The following DNAH2 variants were observed in gnomAD, a reference collection of about 807,000 sequenced individuals.
DNAH2 encodes the protein dynein axonemal heavy chain 2.
In DNAH2, 323 loss-of-function variants were observed where a neutral mutation model predicts 523.5. The observed-to-expected ratio is 0.62, with a 90% CI of 0.56 to 0.68. DNAH2 has a LOEUF of 0.68. Among genes scored for constraint, DNAH2 ranks in the 30% least tolerant of loss-of-function variants. The pLI is 0.00. For synonymous variants in DNAH2, 2,093 were observed against 2,177.4 expected, an observed-to-expected ratio of 0.96 and a Z score of 1.08; for missense variants, 4,907 against 5,701.5, an observed-to-expected ratio of 0.86 and a Z score of 4.49.
chr17:7,723,676 C>A lies in DNAH2; in HGVS notation c.215C>A (p.Pro72His). The A allele has an allele frequency of 3.7e-6, 6 of 1,613,932 alleles. No homozygotes were observed. Among genetic ancestry groups the A allele is most frequent in the Non-Finnish European group, 4.2e-6 (5 of 1,179,946 alleles). Residue 72 changes from proline (P) to histidine (H), a missense_variant, in exon 3 of 86, where the codon CCC (proline) becomes CAC (histidine). Physicochemically the swap from Pro to His is moderately conservative, Grantham distance 77. Around this residue, in one of 3 missense-constraint regions of DNAH2, gnomAD observed 2,806 missense variants for 3,190.8 expected, o/e 0.88. Transcript: ENST00000572933. ...PQAQSEESVE[P>H]EADVKPLFLS... is the part of the protein sequence containing the mutation. ...GCACAGAGTGAAGAATCAGTGGAGC[C>A]CGAGGCAGATGTGGTAGGCTTGGGT...
chr17:7,724,089 T>C (rs747146739), intron 3 of DNAH2, among the ~76,000 whole-genome samples: 19 of 152,168 alleles, frequency 1.2e-4, no homozygotes, highest in Admixed American at 4.6e-4. Flanking sequence ...CAGAAGCTGC[T>C]TCAGTCACTT....
chr17:7,749,898 G>C (rs2075637114), intron 12 of DNAH2, among the ~76,000 whole-genome samples: 1 of 152,142 alleles, frequency 6.6e-6, no homozygotes, highest in Non-Finnish European at 1.5e-5. Flanking sequence ...AGGAGGCTGA[G>C]GCAGGAGAAT....
Position 7,775,411 on chromosome 17 carries a change from C to T in DNAH2, c.4821+69C>T, listed in dbSNP as rs764795632. 72 of 1,442,748 alleles carry T rather than the reference C, an allele frequency of 5.0e-5. No homozygotes were observed. In the African/African-American group the frequency reaches 6.6e-4, roughly 13 times the overall value. 89.4% of individuals were successfully genotyped at this position (1,442,748 alleles called of 1,614,324 possible). On this transcript the variant is annotated intron_variant, in intron 30 of 85. Transcript: ENST00000572933. ...CTACAGAAAGTTCACCTGGGTCGGG[C>T]GCAGTGGCTCACACTTGTAATCCCA...
Position 7,797,508 on chromosome 17 carries a change from C to T in DNAH2, c.8058C>T (p.Pro2686=), listed in dbSNP as rs1567716468. The T allele has an allele frequency of 1.2e-6, 2 of 1,614,198 alleles. No individual in the cohort carries two copies. The highest frequency in any genetic ancestry group is 1.7e-6 in the Non-Finnish European group (2 of 1,180,044). Residue 2686 remains proline, a synonymous_variant, in exon 52 of 86, where the codon CCC becomes CCT. Coordinates refer to ENST00000572933, the MANE Select transcript of DNAH2 (RefSeq NM_020877.5). ...ACCTCACATTTCATCATCTCTGTCC[C>T]AGCAAGCGTCCTCCTATCTTTGGTG... ...FFDLTFHHLC[P]SKRPPIFGDF...
intron 10 of DNAH2, 47 bp downstream of exon 10, chr17:7,740,596 C>T (rs746744517): frequency 1.9e-6 from 3 of 1,603,582 alleles, no homozygotes; most frequent in South Asian, 2.2e-5. Flanking sequence ...CGCGTGCTTT[C>T]CTGGAGTCCC....
intron 10 of DNAH2, 82 bp downstream of exon 10, chr17:7,740,631 C>T: frequency 6.3e-7 from 1 of 1,576,288 alleles, no homozygotes; most frequent in Non-Finnish European, 8.6e-7. Context: ...CTCCTGCCTC[C>T]ACGTGTGCCC....
chr17:7,804,484 A>AC lies in DNAH2; in HGVS notation c.9183+24dup. 1.9e-6 allele frequency: 3 copies of AC among 1,603,922 alleles called. No homozygotes were observed. Among genetic ancestry groups the AC allele is most frequent in the Non-Finnish European group, 2.6e-6 (3 of 1,175,220 alleles). On this transcript the variant is annotated intron_variant, in intron 59 of 85. Transcript: ENST00000572933. ...AGCAGAAGGTCCAGGGCCCACGCCC[A>AC]CCCCCCGTGCCCCACTCCCACCAGT...
At chr17:7,805,503 C>CTAGG in intron 61 of DNAH2, 110 bp downstream of exon 61, 6 of 1,480,990 alleles carry the variant, frequency 4.1e-6, no homozygotes, top group Non-Finnish European at 5.5e-6. Flanking sequence ...ATTGTTCTTA[C>CTAGG]CCTCAAGAGC....
chr17:7,753,858 G>A (rs4792587), intron 12 of DNAH2, among the ~76,000 whole-genome samples: 8,258 of 152,178 alleles, frequency 0.054, 365 homozygotes, highest in Admixed American at 0.12. Flanking sequence ...TGAGGCAGGA[G>A]AATCACTTAA....
rs771204858 is a variant in DNAH2 at position 7,830,322 on chromosome 17, G to A, written c.11876G>A (p.Arg3959His). The A allele has an allele frequency of 1.8e-5, 29 of 1,614,052 alleles. No individual in the cohort carries two copies. Among genetic ancestry groups the A allele is most frequent in the African/African-American group, 2.7e-5 (2 of 74,938 alleles). The change falls in exon 78 of 86, where the codon CGT (arginine) becomes CAT (histidine). Residue 3959 changes from arginine to histidine, a missense_variant. Coordinates refer to ENST00000572933, the MANE Select transcript of DNAH2 (RefSeq NM_020877.5). Reference protein sequence around the residue: ...PPKGLKANMTRLYQLMSEPQF... With the variant: ...PPKGLKANMTHLYQLMSEPQF... Reference sequence around the variant, plus strand: ...CAGGGCCTAAAGGCCAACATGACACGTCTTTACCAACTGATGTCAGAACCA... The same window carrying A: ...CAGGGCCTAAAGGCCAACATGACACATCTTTACCAACTGATGTCAGAACCA...
At chr17:7,793,511 CTT>C (rs766844191) in intron 48 of DNAH2, among the ~76,000 whole-genome samples, 2,685 of 127,508 alleles carry the variant, frequency 0.021, 69 homozygotes, top group Non-Finnish European at 0.033. Flanking sequence ...TTCTTTCTTT[CTT>C]TCTTCTCTTT....
At position 7,760,990 on chromosome 17, in the gene DNAH2, A is replaced by G; in HGVS notation, c.2978+58A>G. On this transcript the variant is annotated intron_variant, in intron 18 of 85. Transcript: ENST00000572933. This position sits in a 1 kb window ranked among gnomAD's most constrained non-coding sequence, Gnocchi z 4.0. ...GTAGGAGGCACAGCACTGCAGGAGGAGCCCAGGCCTAGAGTCTTGGGAAGT... is the reference window on the plus strand; with the variant it reads ...GTAGGAGGCACAGCACTGCAGGAGGGGCCCAGGCCTAGAGTCTTGGGAAGT... 1 of 1,592,942 alleles carries G rather than the reference A, an allele frequency of 6.3e-7. No homozygotes were observed. Among genetic ancestry groups the G allele is most frequent in the African/African-American group, 1.3e-5 (1 of 74,572 alleles).
chr17:7,735,919 G>C (rs2075129247), intron 7 of DNAH2, among the ~76,000 whole-genome samples: 1 of 151,650 alleles, frequency 6.6e-6, no homozygotes, highest in Non-Finnish European at 1.5e-5. Flanking sequence ...TGCCTGGCTA[G>C]TTTTTGTATT....
chr17:7,765,443 C>G lies in DNAH2; in HGVS notation c.3389C>G (p.Thr1130Ser). 1 of 1,614,246 alleles carries G rather than the reference C, an allele frequency of 6.2e-7. No homozygotes were observed. The highest frequency in any genetic ancestry group is 8.5e-7 in the Non-Finnish European group (1 of 1,180,042). Residue 1130 changes from threonine to serine, a missense_variant, in exon 21 of 86, where the codon ACT (threonine) becomes AGT (serine). Coordinates refer to ENST00000572933, the MANE Select transcript of DNAH2 (RefSeq NM_020877.5). ...LNGEWVVFQQTLLDSKQMLKK... is the reference protein window; with the variant it reads ...LNGEWVVFQQSLLDSKQMLKK... ...GGGGAGTGGGTTGTCTTCCAACAAA[C>G]TCTGCTGGACAGTAAGCAAATGCTG...
chr17:7,824,003 G>GT (rs748754847), intron 75 of DNAH2, 21 bp downstream of exon 75: 38 of 1,607,630 alleles, frequency 2.4e-5, no homozygotes, highest in Non-Finnish European at 2.6e-5. Flanking sequence ...CGGCTTCCTT[G>GT]TCCCCACGGC....
At chr17:7,823,746 G>A in intron 74 of DNAH2, 88 bp from the exon 75 acceptor site, 1 of 1,581,010 alleles carries the variant, frequency 6.3e-7, no homozygotes, top group Non-Finnish European at 8.6e-7. Context: ...CTGGCCCGGA[G>A]CACATTCCCG....
At chr17:7,827,757 T>TC (rs1409762857) in intron 77 of DNAH2, among the ~76,000 whole-genome samples, 1 of 151,768 alleles carries the variant, frequency 6.6e-6, no homozygotes, top group Non-Finnish European at 1.5e-5. Flanking sequence ...ATTTTTTTTT[T>TC]CTACATGGAT....
chr17:7,788,937 G>T (rs373969784), intron 44 of DNAH2, among the ~76,000 whole-genome samples: 1 of 152,180 alleles, frequency 6.6e-6, no homozygotes, highest in African/African-American at 2.4e-5. Context: ...GGCCGAGGTG[G>T]GTGGATCACC....
chr17:7,747,328 A>ATAGAATTACT (rs1374486880), intron 12 of DNAH2, among the ~76,000 whole-genome samples: 1 of 152,074 alleles, frequency 6.6e-6, no homozygotes, highest in Non-Finnish European at 1.5e-5. Context: ...TTCTGTATGT[A>ATAGAATTACT]TAGAATTACT....
Sources: allele counts gnomAD v4.1 joint callset (sites outside exome capture counted in the v4.1 genomes callset), GRCh38; gene constraint gnomAD v4.1.1; regional missense constraint gnomAD v4.1.1; non-coding constraint Gnocchi (gnomAD v3.1); transcripts MANE v1.5; gene names NCBI Gene and HGNC (gene_info 2026-07-23, HGNC 2026-07-21).